The following HACD3 variants were observed in gnomAD, a reference collection of about 807,000 sequenced individuals.
The protein encoded by HACD3 is very-long-chain (3R)-3-hydroxyacyl-CoA dehydratase 3.
Under a neutral mutation model 55.2 loss-of-function variants are expected in HACD3, and 30 were observed. The ratio of observed to expected loss-of-function variants is 0.54; its 90% CI spans 0.41 to 0.74. The LOEUF is 0.74. Ranked by LOEUF, HACD3 falls within the 30% of genes least tolerant of loss-of-function variation. The pLI is 0.00. For synonymous variants in HACD3, 141 were observed against 151.7 expected (o/e 0.93, Z 0.52); for missense variants, 363 against 440.1 (o/e 0.82, Z 1.57).
chr15:65,555,386 G>A (rs777895882), intron 3 of HACD3, among the ~76,000 whole-genome samples: 1 of 152,188 alleles, frequency 6.6e-6, no homozygotes, highest in Non-Finnish European at 1.5e-5. Flanking sequence ...AGTTGCAGGT[G>A]AGAAAAATAG....
At chr15:65,539,445 T>C (rs1017654762) in intron 1 of HACD3, among the ~76,000 whole-genome samples, 1 of 152,148 alleles carries the variant, frequency 6.6e-6, no homozygotes, top group African/African-American at 2.4e-5. Flanking sequence ...GGTCTCGAAC[T>C]CCTGACCTCA....
At chr15:65,572,172 A>G in intron 9 of HACD3, 63 bp from the exon 10 acceptor site, 1 of 1,591,970 alleles carries the variant, frequency 6.3e-7, no homozygotes, top group Non-Finnish European at 8.5e-7. Context: ...TAGGACTGGA[A>G]GTTCCTGTCA....
At position 65,564,135 on chromosome 15, in the gene HACD3, A is replaced by G. The variant is rs1035918415; in HGVS notation, c.533-80A>G. 28 of 1,484,514 alleles carry G rather than the reference A, an allele frequency of 1.9e-5. 1 individual carries two copies. The highest frequency in any genetic ancestry group is 3.4e-4 in the Middle Eastern group (2 of 5,802). 92.0% of individuals were successfully genotyped at this position (1,484,514 alleles called of 1,614,324 possible). On this transcript the variant is annotated intron_variant, in intron 6 of 10. Coordinates refer to ENST00000261875, the MANE Select transcript of HACD3 (RefSeq NM_016395.4). ...TTCCTTTCTTACAGTTATTTTCACG[A>G]AAGGAGTAATCTAGTTTGAGAAATA...
intron 10 of HACD3, among the ~76,000 whole-genome samples, chr15:65,573,821 AAAAAC>A (rs1449848113): frequency 6.6e-6 from 1 of 152,222 alleles, no homozygotes; most frequent in African/African-American, 2.4e-5. Flanking sequence ...CTAAGAACAT[AAAAAC>A]AGAATGAAAG....
chr15:65,542,246 A>AG (rs1555483050), intron 1 of HACD3, among the ~76,000 whole-genome samples: 1 of 134,574 alleles, frequency 7.4e-6, no homozygotes, highest in African/African-American at 2.6e-5. Flanking sequence ...AAAAAAAAAA[A>AG]GAAAAGAAAA....
intron 1 of HACD3, among the ~76,000 whole-genome samples, chr15:65,549,202 G>A (rs746161507): frequency 5.9e-5 from 9 of 152,182 alleles, no homozygotes; most frequent in Non-Finnish European, 7.3e-5. Flanking sequence ...TAAGCTGAAC[G>A]TGGAAACTGC....
rs1358716757 is a variant in HACD3, at chr15:65,551,672, A to G, written c.88-4A>G. On this transcript the variant is annotated splice_polypyrimidine_tract_variant and splice_region_variant and intron_variant, in intron 1 of 10. Coordinates refer to ENST00000261875, the MANE Select transcript of HACD3 (RefSeq NM_016395.4). ...CTTCTTGCATCCTTGGTCTCTTTTCACAGAACCCTGCCATCAGCATCACTG... is the reference window on the plus strand; with the variant it reads ...CTTCTTGCATCCTTGGTCTCTTTTCGCAGAACCCTGCCATCAGCATCACTG... The G allele has an allele frequency of 6.2e-7, 1 of 1,613,746 alleles. No homozygotes were observed. Among genetic ancestry groups the G allele is most frequent in the South Asian group, 1.1e-5 (1 of 91,082 alleles).
Position 65,577,690 on chromosome 15 carries a change from CTG to C in HACD3, c.*1313_*1314del, listed in dbSNP as rs1201412485. On this transcript the variant is annotated 3_prime_UTR_variant, in exon 11 of 11. Coordinates refer to ENST00000261875, the MANE Select transcript of HACD3 (RefSeq NM_016395.4). ...GTACTTGTTCTAGTGAGTGGTGGGA[CTG>C]TACATTTTTGAATAGACCTCAAAAA... is the stretch of plus-strand genomic sequence containing the variant. 5.3e-5 allele frequency: 8 copies of C among 152,296 alleles called. No individual in the cohort carries two copies. The highest frequency in any genetic ancestry group is 1.7e-4 in the African/African-American group (7 of 41,550). The allele number at this position is 152,296 out of a possible 1,614,324, so 9.4% of individuals were successfully genotyped here.
At chr15:65,558,846 T>A in intron 5 of HACD3, 115 bp downstream of exon 5, 1 of 1,302,798 alleles carries the variant, frequency 7.7e-7, no homozygotes, top group Middle Eastern at 1.8e-4. Flanking sequence ...GCTGTGTGGG[T>A]GAGTTTATGA....
intron 1 of HACD3, among the ~76,000 whole-genome samples, chr15:65,550,105 A>G (rs1270976235): frequency 2.0e-5 from 3 of 152,222 alleles, no homozygotes; most frequent in African/African-American, 7.2e-5. Flanking sequence ...ATATGCATCT[A>G]GGCTGGACAC....
At chr15:65,542,795 G>T (rs1031741107) in intron 1 of HACD3, among the ~76,000 whole-genome samples, 2 of 152,054 alleles carry the variant, frequency 1.3e-5, no homozygotes, top group African/African-American at 4.8e-5. Context: ...AAAAAAACAG[G>T]CCGGGCTTGG....
chr15:65,566,422 G>T (rs2141222592), intron 7 of HACD3: 1 of 154,650 alleles, frequency 6.5e-6, no homozygotes, highest in African/African-American at 2.4e-5. Context: ...GTTCCATGTG[G>T]CGGGGGAAGG....
At chr15:65,553,457 A>G (rs559324104) in intron 2 of HACD3, among the ~76,000 whole-genome samples, 67 of 152,216 alleles carry the variant, frequency 4.4e-4, no homozygotes, top group African/African-American at 1.4e-3. Context: ...ATTCACTGTC[A>G]CCCAGTGGGG....
intron 7 of HACD3, chr15:65,565,737 C>G (rs1293154434): frequency 6.6e-6 from 1 of 152,204 alleles, no homozygotes; most frequent in Non-Finnish European, 1.5e-5. Context: ...TCCCCATGGT[C>G]TTGGGGATTA....
intron 1 of HACD3, chr15:65,550,725 T>G (rs2072124136): frequency 6.6e-6 from 1 of 152,236 alleles, no homozygotes; most frequent in Non-Finnish European, 1.5e-5. Context: ...TGTTGGGTTG[T>G]TCTGGCTTGG....
In HACD3 at chr15:65,576,402, T is replaced by C. The variant is rs1367084559; in HGVS notation, c.*23T>C. 1.9e-6 allele frequency: 3 copies of C among 1,575,808 alleles called. No individual in the cohort carries two copies. The South Asian group carries it at 3.5e-5, about 18-fold the overall frequency. ...TAAAAAGAAAGATTTAGATGGCTTC[T>C]TGCCAGTTTGAGCCTAATCTGATTC... is the stretch of plus-strand genomic sequence containing the variant. On this transcript the variant is annotated 3_prime_UTR_variant, in exon 11 of 11. Transcript: ENST00000261875.
intron 2 of HACD3, 72 bp from the exon 3 acceptor site, chr15:65,554,815 C>A: frequency 9.5e-7 from 1 of 1,055,052 alleles, no homozygotes; most frequent in Non-Finnish European, 1.5e-6. Flanking sequence ...TGGGAAAGAA[C>A]TGCACCAAGC....
chr15:65,553,746 A>G (rs1001319712), intron 2 of HACD3, among the ~76,000 whole-genome samples: 2 of 152,384 alleles, frequency 1.3e-5, no homozygotes, highest in South Asian at 2.1e-4. Flanking sequence ...AATAATTGCT[A>G]CCTGTAGCGA....
intron 7 of HACD3, among the ~76,000 whole-genome samples, chr15:65,567,930 CTT>C (rs747363151): frequency 8.4e-5 from 11 of 130,938 alleles, no homozygotes; most frequent in Non-Finnish European, 6.7e-5. Flanking sequence ...TAGTTTCTTT[CTT>C]TTTTTTTTTT....
Sources: gnomAD v4.1 joint callset for allele counts (sites outside exome capture counted in the v4.1 genomes callset) on GRCh38, gnomAD v4.1.1 for gene constraint, MANE v1.5 for transcripts, NCBI Gene and HGNC (gene_info 2026-07-23, HGNC 2026-07-21) for gene names.